Variants in TTN observed in about 807,000 individuals in gnomAD.
TTN encodes the protein titin.
Under a neutral mutation model 3,223.0 loss-of-function variants are expected in TTN, and 1,525 were observed. The ratio of observed to expected loss-of-function variants is 0.47; its 90% CI spans 0.45 to 0.49. TTN has a LOEUF of 0.49. TTN is among the 20% of genes least tolerant of loss of function. The probability of loss-of-function intolerance (pLI) is 0.00; values close to 1 mark genes in which losing one functional copy is unlikely to be tolerated. For missense variants in TTN, 40,786 were observed against 43,424.0 expected (o/e 0.94, Z 5.40); for synonymous variants, 14,094 against 15,161.0 (o/e 0.93, Z 5.17).
chr2:178,770,473 A>T lies in TTN; in HGVS notation c.8319T>A (p.Asp2773Glu), dbSNP rs1364502747. ...SLRIKNCAIV[D>E]ESVYGFRLGR... ...CAAGCCTGAAGCCATAAACAGACTC[A>T]TCCACGATGGCACAGTTTTTAATCC... Residue 2773 changes from aspartate (D) to glutamate (E), a missense_variant, in exon 35 of 363, where the codon GAT becomes GAA. Coordinates refer to ENST00000589042, the MANE Select transcript of TTN (RefSeq NM_001267550.2). 6.2e-7 allele frequency: 1 copy of T among 1,614,058 alleles called. No homozygotes were observed. The highest frequency in any genetic ancestry group is 8.5e-7 in the Non-Finnish European group (1 of 1,180,034).
chr2:178,800,350 C>A, intron 4 of TTN, 45 bp downstream of exon 4: 1 of 1,613,040 alleles, frequency 6.2e-7, no homozygotes, highest in Admixed American at 1.7e-5. Flanking sequence ...TAGACACAAA[C>A]CAGCTCTCTC....
At chr2:178,591,576 A>C in intron 303 of TTN, 23 bp downstream of exon 303, 1 of 1,605,428 alleles carries the variant, frequency 6.2e-7, no homozygotes, top group Non-Finnish European at 8.5e-7. Context: ...GAAATAAGGT[A>C]ATACTGCTAG....
At chr2:178,640,218 A>G in intron 221 of TTN, 108 bp from the exon 222 acceptor site, 2 of 942,116 alleles carry the variant, frequency 2.1e-6, no homozygotes, top group Admixed American at 5.5e-5. Flanking sequence ...TAGAATTTAT[A>G]TACATATAAT....
rs758154539 is a variant in TTN, at chr2:178,632,325, A to T, written c.43569T>A (p.Asp14523Glu). The T allele has an allele frequency of 5.0e-6, 8 of 1,607,220 alleles. 1 individual carries two copies. In the South Asian group the frequency reaches 5.6e-5, roughly 11 times the overall value. The change falls in exon 236 of 363, where the codon GAT becomes GAA. Residue 14523 changes from aspartate (D) to glutamate (E), a missense_variant. By Grantham distance (45) the Asp-to-Glu change is conservative. Transcript: ENST00000589042. Reference sequence around the variant, plus strand: ...TCTTGAACCATTTAACTCGGATGTTATCATGAGATAACTCCACAGTAAATA... The same window carrying T: ...TCTTGAACCATTTAACTCGGATGTTTTCATGAGATAACTCCACAGTAAATA... ...SAVFTVELSHDNIRVKWFKND... is the reference protein window; with the variant it reads ...SAVFTVELSHENIRVKWFKND...
intron 47 of TTN, chr2:178,750,164 G>A (rs758410017): frequency 1.9e-6 from 3 of 1,613,142 alleles, no homozygotes; most frequent in Non-Finnish European, 2.5e-6. Context: ...ATGAAGATTT[G>A]TTTGGCCCTC....
In TTN at chr2:178,573,614, A is replaced by G. The variant is rs1260315259; in HGVS notation, c.72518T>C (p.Val24173Ala). ...RETSRLAWTN[V>A]ASEVQVTKLK... ...CTTTGTTACTTGGACTTCTGAGGCT[A>G]CATTTGTCCATGCCAATCTGCTGGT... Residue 24173 changes from valine (V) to alanine (A), a missense_variant, in exon 326 of 363, where the codon GTA (valine) becomes GCA (alanine). Transcript: ENST00000589042. 6.7e-7 allele frequency: 1 copy of G among 1,499,588 alleles called. No homozygotes were observed. Among genetic ancestry groups the G allele is most frequent in the East Asian group, 2.3e-5 (1 of 43,422 alleles). 92.9% of individuals were successfully genotyped at this position (1,499,588 alleles called of 1,614,324 possible).
Position 178,542,939 on chromosome 2 carries a change from T to A in TTN, c.96915A>T (p.Thr32305=). 1.9e-6 allele frequency: 3 copies of A among 1,599,234 alleles called. No individual in the cohort carries two copies. The highest frequency in any genetic ancestry group is 3.3e-4 in the Middle Eastern group (2 of 6,006). Reference sequence around the variant, plus strand: ...TCTGAGGCATTGTAGAAAGATCGATTGTTGGCAACACTATGGGAAAGAAAT... The same window carrying A: ...TCTGAGGCATTGTAGAAAGATCGATAGTTGGCAACACTATGGGAAAGAAAT... ...VTVQDLRVLP[T]IDLSTMPQKT... Residue 32305 remains threonine (T), a synonymous_variant, in exon 348 of 363, where the codon ACA becomes ACT. Transcript: ENST00000589042.
In TTN at chr2:178,545,852, T is replaced by A. The variant is rs1441773765; in HGVS notation, c.95384A>T (p.Glu31795Val). The A allele has an allele frequency of 6.2e-7, 1 of 1,613,810 alleles. No homozygotes were observed. Among genetic ancestry groups the A allele is most frequent in the Admixed American group, 1.7e-5 (1 of 60,022 alleles). ...VNKYGPGVPVESEPIVARNSF... is the reference protein window; with the variant it reads ...VNKYGPGVPVVSEPIVARNSF... ...GTTTCTGGCTACAATTGGCTCTGAT[T>A]CAACAGGCACACCAGGGCCATATTT... The change falls in exon 343 of 363, where the codon GAA becomes GTA. Residue 31795 changes from glutamate to valine, a missense_variant. Physicochemically the swap from Glu to Val is moderately radical, Grantham distance 121. Coordinates refer to ENST00000589042, the MANE Select transcript of TTN (RefSeq NM_001267550.2).
rs1480452749 is a variant in TTN, at chr2:178,653,309, G to A, written c.38720C>T (p.Pro12907Leu). 2 of 1,612,282 alleles carry A rather than the reference G, an allele frequency of 1.2e-6. No individual in the cohort carries two copies. Among genetic ancestry groups the A allele is most frequent in the Non-Finnish European group, 1.7e-6 (2 of 1,179,542 alleles). The change falls in exon 198 of 363, where the codon CCC (proline) becomes CTC (leucine). Residue 12907 changes from proline (P) to leucine (L), a missense_variant. Transcript: ENST00000589042. The stretch of plus-strand genomic sequence containing the variant: ...TTTCTTTTCAAGGACAACTTCTTTG[G>A]GAGCCTCTGGCACTTAAAAGATATT... ...EVPPVTVPEA[P>L]KEVVLEKKVP...
intron 114 of TTN, 24 bp from the exon 115 acceptor site, chr2:178,695,434 G>A (rs749765582): frequency 6.3e-7 from 1 of 1,597,556 alleles, no homozygotes; most frequent in Non-Finnish European, 8.6e-7. Flanking sequence ...ACAGGAATAA[G>A]AAGGGATGCT....
Position 178,723,252 on chromosome 2 carries a change from G to A in TTN, c.21755C>T (p.Thr7252Ile), listed in dbSNP as rs375714080. Residue 7252 changes from threonine (T) to isoleucine (I), a missense_variant, in exon 75 of 363, where the codon ACC becomes ATC. Physicochemically the swap from Thr to Ile is moderately conservative, Grantham distance 89. Transcript: ENST00000589042. ...EPGKSIILES[T>I]YTGTLPISVT... ...AGAAATTGGAAGTGTTCCAGTGTAG[G>A]TGCTCTCCAGAATTATGGACTTCCC... 9.9e-6 allele frequency: 16 copies of A among 1,613,504 alleles called. No individual in the cohort carries two copies. Among genetic ancestry groups the A allele is most frequent in the Non-Finnish European group, 1.4e-5 (16 of 1,179,658 alleles).
intron 9 of TTN, 41 bp downstream of exon 9, chr2:178,793,363 G>T (rs200158444): frequency 5.6e-6 from 9 of 1,610,630 alleles, no homozygotes; most frequent in Non-Finnish European, 7.6e-6. Flanking sequence ...GTTGACCCCT[G>T]TAAGAACCTC....
At position 178,542,001 on chromosome 2, in the gene TTN, A is replaced by G. The variant is rs114248026; in HGVS notation, c.97492+263T>C. ...TTCCCTTCTCTCTTTTCTTCCTTCC[A>G]TTCCTTTCTTCCTAACTCCCTCCTC... On this transcript the variant is annotated intron_variant, in intron 349 of 362. Coordinates refer to ENST00000589042, the MANE Select transcript of TTN (RefSeq NM_001267550.2). 8,400 of 332,372 alleles carry G rather than the reference A, an allele frequency of 0.025. 172 individuals are homozygous for G. The highest frequency in any genetic ancestry group is 0.061 in the East Asian group (1,262 of 20,632). The allele number at this position is 332,372 out of a possible 1,614,324, so 20.6% of individuals were successfully genotyped here. A position where few individuals can be genotyped will look rare whatever the true frequency, so the allele number is the denominator to read the frequency against.
intron 344 of TTN, among the ~76,000 whole-genome samples, chr2:178,544,929 T>C (rs1696335642): frequency 6.6e-6 from 1 of 152,178 alleles, no homozygotes; most frequent in Non-Finnish European, 1.5e-5. Context: ...ACTATTCCTT[T>C]ATAGTTCTTG....
At chr2:178,550,678 C>T (rs1053576018) in intron 336 of TTN, 3 of 444,420 alleles carry the variant, frequency 6.8e-6, no homozygotes, top group East Asian at 4.6e-5. Flanking sequence ...CACTTATTCT[C>T]GAGAACCTTT....
At chr2:178,714,266 T>C (rs2077121576) in intron 91 of TTN, 26 bp downstream of exon 91, 1 of 1,603,120 alleles carries the variant, frequency 6.2e-7, no homozygotes, top group Non-Finnish European at 8.5e-7. Context: ...GCCTTGTATC[T>C]GTGATAACAT....
rs368507772 is a variant in TTN at position 178,622,640 on chromosome 2, G to A, written c.44913+30C>T. 5.8e-6 allele frequency: 9 copies of A among 1,551,452 alleles called. No individual in the cohort carries two copies. In the African/African-American group the frequency reaches 9.5e-5, roughly 16 times the overall value. ...AAAGTAAATATAAAGTTATTTGACA[G>A]TACAAGATGACAGGTATACAGTCAC... On this transcript the variant is annotated intron_variant, in intron 243 of 362. Coordinates refer to ENST00000589042, the MANE Select transcript of TTN (RefSeq NM_001267550.2).
At chr2:178,622,122 G>A (rs1254213096) in intron 243 of TTN, 114 bp from the exon 244 acceptor site, 1 of 1,003,378 alleles carries the variant, frequency 1.0e-6, no homozygotes, top group East Asian at 2.6e-5. Context: ...ACTTCATAGT[G>A]TGAAGAAGAA....
At chr2:178,615,928 G>A (rs2057252485) in intron 257 of TTN, 140 bp from the exon 258 acceptor site, 11 of 975,322 alleles carry the variant, frequency 1.1e-5, no homozygotes, top group African/African-American at 1.7e-5. Flanking sequence ...TCATATTAGG[G>A]AAAATTGCAA....
Sources: gnomAD v4.1 joint callset for allele counts (sites outside exome capture counted in the v4.1 genomes callset) on GRCh38, gnomAD v4.1.1 for gene constraint, MANE v1.5 for transcripts, NCBI Gene and HGNC (gene_info 2026-07-23, HGNC 2026-07-21) for gene names.